The following TPCN1 variants were observed in gnomAD, a reference collection of about 807,000 sequenced individuals.
TPCN1 encodes the protein two pore channel protein 1.
A neutral mutation model predicts 108.8 loss-of-function variants in TPCN1; 52 were observed. That is an observed-to-expected ratio of 0.48 (90% CI 0.38 to 0.60). The LOEUF (loss-of-function observed/expected upper bound fraction) is 0.60. Among genes scored for constraint, TPCN1 ranks in the 20% least tolerant of loss-of-function variants. The pLI, the probability that TPCN1 is intolerant of heterozygous loss-of-function variation, is 0.00. For missense variants in TPCN1, 806 were observed against 1,072.8 expected (o/e 0.75, Z 3.47); for synonymous variants, 446 against 433.7 (o/e 1.03, Z -0.35).
Position 113,280,184 on chromosome 12 carries a change from A to G in TPCN1, c.1331A>G (p.Gln444Arg). Residue 444 changes from glutamine to arginine, a missense_variant, in exon 15 of 28, where the codon CAG becomes CGG. Transcript: ENST00000335509. ...ATCCTTGTGAAGTCCAAGGCCTTCC[A>G]GTATTTCATGTGTAAGTGTGAAATA... is the stretch of plus-strand genomic sequence containing the variant. The part of the protein sequence containing the change: ...INILVKSKAF[Q>R]YFMYLVVAVN... The G allele has an allele frequency of 6.2e-7, 1 of 1,609,160 alleles. No homozygotes were observed.
At chr12:113,249,963 G>A (rs927452645) in intron 2 of TPCN1, 2 of 152,236 alleles carry the variant, frequency 1.3e-5, no homozygotes, top group South Asian at 2.1e-4. Flanking sequence ...GGATGCTGAT[G>A]GTATCCACCT....
At chr12:113,282,840 C>A (rs1381985447) in intron 15 of TPCN1, among the ~76,000 whole-genome samples, 1 of 152,070 alleles carries the variant, frequency 6.6e-6, no homozygotes, top group Non-Finnish European at 1.5e-5. Flanking sequence ...AATCCCAACA[C>A]TTTGGGAGGC....
chr12:113,273,468 G>A lies in TPCN1; in HGVS notation c.843-101G>A, dbSNP rs1176779610. ...TGAGAGTAGGGGAACCAGGGTTGGA[G>A]GCTGGGAAGGCAGACAAGGAGCTGT... On this transcript the variant is annotated intron_variant, in intron 9 of 27. Transcript: ENST00000335509. The surrounding 1 kb of genome is among the most constrained non-coding windows in gnomAD (Gnocchi z 4.0). The A allele has an allele frequency of 1.6e-6, 2 of 1,282,286 alleles. No individual in the cohort carries two copies. The highest frequency in any genetic ancestry group is 1.5e-5 in the African/African-American group (1 of 68,336). The allele number at this position is 1,282,286 out of a possible 1,614,324, so 79.4% of individuals were successfully genotyped here.
At chr12:113,278,026 G>T (rs1955732029) in intron 12 of TPCN1, among the ~76,000 whole-genome samples, 163 bp from the exon 13 acceptor site, 1 of 152,130 alleles carries the variant, frequency 6.6e-6, no homozygotes, top group Non-Finnish European at 1.5e-5. Flanking sequence ...CCAAACGCTT[G>T]CAGGTAAAGG....
chr12:113,278,075 C>G, intron 12 of TPCN1, 114 bp from the exon 13 acceptor site: 1 of 812,628 alleles, frequency 1.2e-6, no homozygotes, highest in Admixed American at 1.9e-5. Flanking sequence ...ACATGGTGTC[C>G]CCTCTCTTCC....
At chr12:113,222,083 G>A (rs1315655894) in intron 1 of TPCN1, among the ~76,000 whole-genome samples, 1 of 152,150 alleles carries the variant, frequency 6.6e-6, no homozygotes, top group Admixed American at 6.5e-5. Flanking sequence ...AGCAAAGCCC[G>A]CGGAGGGAAC....
Position 113,226,351 on chromosome 12 carries a change from G to A in TPCN1, c.-125-377G>A, listed in dbSNP as rs563680589. 3.3e-5 allele frequency among the ~76,000 whole-genome samples: 5 copies of A among 152,242 alleles called. No individual in the cohort carries two copies. The South Asian group carries it at 1.0e-3, about 32-fold the overall frequency. On this transcript the variant is annotated intron_variant, in intron 1 of 27. Coordinates refer to ENST00000335509, the MANE Select transcript of TPCN1 (RefSeq NM_017901.6). ...GCTGGAGTGCAGTGGCATGATCTCT[G>A]CTCACTGCAGCTTCCACCTCCTGGG...
At chr12:113,245,366 G>T (rs1311318989) in intron 2 of TPCN1, among the ~76,000 whole-genome samples, 2 of 121,356 alleles carry the variant, frequency 1.6e-5, no homozygotes, top group Admixed American at 7.8e-5. Flanking sequence ...GGGAGGCCGA[G>T]GCGGGCGGAT....
chr12:113,257,042 T>A (rs1157839983), intron 2 of TPCN1, among the ~76,000 whole-genome samples: 2 of 151,146 alleles, frequency 1.3e-5, no homozygotes, highest in African/African-American at 4.9e-5. Flanking sequence ...CTCAATTTAA[T>A]AATAAAAAAA....
intron 2 of TPCN1, among the ~76,000 whole-genome samples, chr12:113,241,075 T>C (rs1954099440): frequency 6.6e-6 from 1 of 152,222 alleles, no homozygotes; most frequent in East Asian, 1.9e-4. Flanking sequence ...TTAGGGTGGC[T>C]TCTTGATTTC....
rs951216310 is a variant in TPCN1 at position 113,268,264 on chromosome 12, C to T, written c.528+308C>T. 6.6e-5 allele frequency among the ~76,000 whole-genome samples: 10 copies of T among 152,204 alleles called. No individual in the cohort carries two copies. The highest frequency in any genetic ancestry group is 2.4e-5 in the African/African-American group (1 of 41,462). Reference sequence around the variant, plus strand: ...GACATGGGGCTCACACCCAGCTCTGCCCACTGCGCCCGGCTCACCTGTCCC... The same window carrying T: ...GACATGGGGCTCACACCCAGCTCTGTCCACTGCGCCCGGCTCACCTGTCCC... On this transcript the variant is annotated intron_variant, in intron 5 of 27. Coordinates refer to ENST00000335509, the MANE Select transcript of TPCN1 (RefSeq NM_017901.6). The surrounding 1 kb of genome is among the most constrained non-coding windows in gnomAD (Gnocchi z 7.3).
rs370429335 is a variant in TPCN1, at chr12:113,280,028, C to A, written c.1298-123C>A. On this transcript the variant is annotated intron_variant, in intron 14 of 27. Coordinates refer to ENST00000335509, the MANE Select transcript of TPCN1 (RefSeq NM_017901.6). ...CCTCTGGGGTAAAGACCATGCTTAC[C>A]TGCATGCACGAAGAGTGTGGTAGGT... 2.3e-4 allele frequency: 166 copies of A among 711,824 alleles called. 1 individual carries two copies. In the East Asian group the frequency reaches 3.7e-3, roughly 16 times the overall value. The allele number at this position is 711,824 out of a possible 1,614,324, so 44.1% of individuals were successfully genotyped here.
chr12:113,290,108 C>G lies in TPCN1; in HGVS notation c.1797-20C>G. On this transcript the variant is annotated intron_variant, in intron 21 of 27. Coordinates refer to ENST00000335509, the MANE Select transcript of TPCN1 (RefSeq NM_017901.6). The stretch of plus-strand genomic sequence containing the variant: ...ATCGCCTTGTGACCCTCCCTCCTTT[C>G]TCCCTTGTGCTCCGGCCAGCACGAG... The G allele has an allele frequency of 6.6e-7, 1 of 1,522,554 alleles. No individual in the cohort carries two copies. 94.3% of individuals were successfully genotyped at this position (1,522,554 alleles called of 1,614,324 possible).
intron 2 of TPCN1, chr12:113,249,988 G>A (rs1222341979): frequency 5.3e-5 from 8 of 152,236 alleles, no homozygotes; most frequent in African/African-American, 9.7e-5. Flanking sequence ...AGGTTGATGC[G>A]AGGATGAAGT....
At chr12:113,258,776 G>T (rs1305341539) in intron 2 of TPCN1, among the ~76,000 whole-genome samples, 1 of 152,042 alleles carries the variant, frequency 6.6e-6, no homozygotes, top group Non-Finnish European at 1.5e-5. Flanking sequence ...GTGAGATCTT[G>T]TGTCTTAAAA....
At chr12:113,257,333 A>T in intron 2 of TPCN1, among the ~76,000 whole-genome samples, 1 of 152,098 alleles carries the variant, frequency 6.6e-6, no homozygotes. Flanking sequence ...TACTAAAAAT[A>T]TTTAAAAATT....
intron 2 of TPCN1, among the ~76,000 whole-genome samples, chr12:113,230,777 C>T (rs2136442130): frequency 6.6e-6 from 1 of 152,308 alleles, no homozygotes; most frequent in East Asian, 1.9e-4. Context: ...CTTTGTATCA[C>T]ATAGCTCAGT....
At chr12:113,225,538 T>C (rs531028241) in intron 1 of TPCN1, among the ~76,000 whole-genome samples, 4 of 152,238 alleles carry the variant, frequency 2.6e-5, no homozygotes, top group Admixed American at 2.6e-4. Context: ...AATGCTTTTA[T>C]TCTGTTTTTA....
At chr12:113,230,323 C>G (rs1255079003) in intron 2 of TPCN1, among the ~76,000 whole-genome samples, 9 of 125,406 alleles carry the variant, frequency 7.2e-5, no homozygotes, top group Admixed American at 9.5e-5. Flanking sequence ...GAGTATCACT[C>G]TGTCACCCAG....
Sources: gnomAD v4.1 joint callset for allele counts (sites outside exome capture counted in the v4.1 genomes callset) on GRCh38, gnomAD v4.1.1 for gene constraint, Gnocchi (gnomAD v3.1) non-coding constraint, MANE v1.5 for transcripts, NCBI Gene and HGNC (gene_info 2026-07-23, HGNC 2026-07-21) for gene names.